The following DNAH5 variants were observed in gnomAD, a reference collection of about 807,000 sequenced individuals.
DNAH5 encodes axonemal beta dynein heavy chain 5.
Under a neutral mutation model 518.2 loss-of-function variants are expected in DNAH5, and 372 were observed. The observed-to-expected ratio is 0.72, with a 90% CI of 0.66 to 0.78. The LOEUF (loss-of-function observed/expected upper bound fraction) is 0.78. Among genes scored for constraint, DNAH5 ranks in the 30% least tolerant of loss-of-function variants. The probability of loss-of-function intolerance (pLI) is 0.00; values close to 1 mark genes in which losing one functional copy is unlikely to be tolerated. For synonymous variants in DNAH5, 2,039 were observed against 2,025.9 expected, an observed-to-expected ratio of 1.01 and a Z score of -0.17; for missense variants, 5,523 against 5,687.0, an observed-to-expected ratio of 0.97 and a Z score of 0.93.
At chr5:13,931,048 T>A in intron 2 of DNAH5, 62 bp downstream of exon 2, 1 of 1,612,194 alleles carries the variant, frequency 6.2e-7, no homozygotes, top group Non-Finnish European at 8.5e-7. Context: ...GCCACAGGAC[T>A]GTGTCAACAG....
intron 17 of DNAH5, 79 bp downstream of exon 17, chr5:13,890,897 T>TATA: frequency 6.5e-7 from 1 of 1,543,644 alleles, no homozygotes; most frequent in Non-Finnish European, 8.9e-7. Context: ...AAATCTAACT[T>TATA]ATAACTTCAA....
chr5:13,916,492 C>A, intron 8 of DNAH5, 37 bp from the exon 9 acceptor site: 1 of 1,140,516 alleles, frequency 8.8e-7, no homozygotes, highest in South Asian at 1.2e-5. Flanking sequence ...AAAAAATCAT[C>A]AAATTCAGCA....
chr5:14,001,918 T>C (rs1366623455), intron 1 of DNAH5, among the ~76,000 whole-genome samples: 1 of 151,918 alleles, frequency 6.6e-6, no homozygotes, highest in East Asian at 1.9e-4. Context: ...GTTTTTTTTT[T>C]AGACAGCGTC....
intron 43 of DNAH5, among the ~76,000 whole-genome samples, chr5:13,812,042 T>C (rs1344303582): frequency 2.0e-5 from 3 of 152,204 alleles, no homozygotes; most frequent in Non-Finnish European, 2.9e-5. Context: ...ATCCTCCTTT[T>C]ACACATGAGG....
intron 63 of DNAH5, among the ~76,000 whole-genome samples, chr5:13,752,646 G>T (rs1750402933): frequency 6.6e-6 from 1 of 152,150 alleles, no homozygotes; most frequent in African/African-American, 2.4e-5. Context: ...ATCTCATTAT[G>T]TACATGCAAA....
intron 51 of DNAH5, among the ~76,000 whole-genome samples, 179 bp downstream of exon 51, chr5:13,788,537 C>A (rs1199709219): frequency 6.6e-6 from 1 of 152,184 alleles, no homozygotes; most frequent in Non-Finnish European, 1.5e-5. Context: ...TCTTTAAACT[C>A]CATGATAATG....
chr5:13,903,295 G>A (rs961993197), intron 12 of DNAH5, among the ~76,000 whole-genome samples: 3 of 151,826 alleles, frequency 2.0e-5, no homozygotes, highest in African/African-American at 7.3e-5. Context: ...AAGTATAGCA[G>A]AGAAATAAAG....
chr5:13,858,136 C>A (rs567639032), intron 30 of DNAH5, among the ~76,000 whole-genome samples: 1 of 152,182 alleles, frequency 6.6e-6, no homozygotes, highest in South Asian at 2.1e-4. Flanking sequence ...TATTGCAACA[C>A]TGTTCACAAA....
chr5:13,781,880 AG>A, intron 52 of DNAH5, among the ~76,000 whole-genome samples: 1 of 152,158 alleles, frequency 6.6e-6, no homozygotes, highest in Admixed American at 6.5e-5. Flanking sequence ...GTGATACCTA[AG>A]GTATCTACCA....
intron 16 of DNAH5, 97 bp downstream of exon 16, chr5:13,894,553 C>T: frequency 7.5e-7 from 1 of 1,337,098 alleles, no homozygotes; most frequent in Non-Finnish European, 1.1e-6. Flanking sequence ...CTCCCCATTT[C>T]ATTATTTATA....
In DNAH5 at chr5:13,864,678, T is replaced by C. The variant is rs780164980; in HGVS notation, c.4356-41A>G. On this transcript the variant is annotated intron_variant, in intron 27 of 78. Coordinates refer to ENST00000265104, the MANE Select transcript of DNAH5 (RefSeq NM_001369.3). Reference sequence around the variant, plus strand: ...AACATGAAAGGCCATTGAAATATGATGGTAGACATCACTGGACCAAGACGG... The same window carrying C: ...AACATGAAAGGCCATTGAAATATGACGGTAGACATCACTGGACCAAGACGG... 2.5e-6 allele frequency: 4 copies of C among 1,611,968 alleles called. No homozygotes were observed. In the African/African-American group the frequency reaches 5.3e-5, roughly 22 times the overall value.
intron 68 of DNAH5, among the ~76,000 whole-genome samples, chr5:13,730,683 C>G (rs1746396992): frequency 6.6e-6 from 1 of 151,698 alleles, no homozygotes; most frequent in Non-Finnish European, 1.5e-5. Flanking sequence ...GTCTGCCCAC[C>G]TCGGCCTCCC....
intron 71 of DNAH5, among the ~76,000 whole-genome samples, chr5:13,720,308 T>G (rs1251846077): frequency 6.6e-6 from 1 of 152,252 alleles, no homozygotes; most frequent in African/African-American, 2.4e-5. Flanking sequence ...AAATTCAATA[T>G]AAAACACAGC....
chr5:13,796,463 G>A (rs527786515), intron 47 of DNAH5, among the ~76,000 whole-genome samples: 11 of 152,144 alleles, frequency 7.2e-5, no homozygotes, highest in Admixed American at 5.2e-4. Context: ...GCTACAAAGA[G>A]AATAAAATAC....
chr5:13,913,870 A>C lies in DNAH5; in HGVS notation c.1409T>G (p.Phe470Cys). The part of the protein sequence containing the change: ...KQFDFSEMYI[F>C]GKFETFHRRL... ...TCGGTGAAAAGTTTCGAATTTTCCA[A>C]AAATATACATCTCGCTAAAATCAAA... The change falls in exon 11 of 79, where the codon TTT becomes TGT. Residue 470 changes from phenylalanine to cysteine, a missense_variant. Transcript: ENST00000265104. The C allele has an allele frequency of 1.2e-6, 2 of 1,613,734 alleles. No homozygotes were observed. Among genetic ancestry groups the C allele is most frequent in the Non-Finnish European group, 1.7e-6 (2 of 1,179,676 alleles).
At chr5:13,720,926 T>G (rs113780581) in intron 71 of DNAH5, 74 bp downstream of exon 71, 1 of 1,601,216 alleles carries the variant, frequency 6.2e-7, no homozygotes, top group Non-Finnish European at 8.5e-7. Context: ...ATGATTTATA[T>G]TTTTCTTCTG....
chr5:13,871,071 C>T, intron 23 of DNAH5, 69 bp from the exon 24 acceptor site: 1 of 1,189,650 alleles, frequency 8.4e-7, no homozygotes, highest in Non-Finnish European at 1.2e-6. Context: ...CAAACTGTCG[C>T]TGTTCTCCAG....
rs377633103 is a variant in DNAH5, at chr5:13,727,636, C to T, written c.11904G>A (p.Met3968Ile). 27 of 1,613,700 alleles carry T rather than the reference C, an allele frequency of 1.7e-5. No individual in the cohort carries two copies. The highest frequency in any genetic ancestry group is 2.0e-5 in the Non-Finnish European group (24 of 1,179,794). Residue 3968 changes from methionine to isoleucine, a missense_variant, in exon 70 of 79, where the codon ATG becomes ATA. Physicochemically the swap from Met to Ile is conservative, Grantham distance 10. Around this residue, in one of 3 missense-constraint regions of DNAH5, gnomAD observed 5,121 missense variants for 5,223.3 expected, o/e 0.98. Coordinates refer to ENST00000265104, the MANE Select transcript of DNAH5 (RefSeq NM_001369.3). Reference protein sequence around the residue: ...VLDQISRNEKMWKIWFDKENP... With the variant: ...VLDQISRNEKIWKIWFDKENP... Reference sequence around the variant, plus strand: ...TTTCCTTATCAAACCAAATTTTCCACATTTTCTCATTTCTCGATATCTGAA... The same window carrying T: ...TTTCCTTATCAAACCAAATTTTCCATATTTTCTCATTTCTCGATATCTGAA...
chr5:14,004,446 C>A (rs1271065801), intron 1 of DNAH5, among the ~76,000 whole-genome samples: 14 of 152,142 alleles, frequency 9.2e-5, no homozygotes. Flanking sequence ...CAGAAAGGCC[C>A]AGGAGTTAAA....
Sources: allele counts gnomAD v4.1 joint callset (sites outside exome capture counted in the v4.1 genomes callset), GRCh38; gene constraint gnomAD v4.1.1; regional missense constraint gnomAD v4.1.1; transcripts MANE v1.5; gene names NCBI Gene and HGNC (gene_info 2026-07-23, HGNC 2026-07-21).